Variants in KIAA0825 observed in about 807,000 individuals in gnomAD.
KIAA0825 encodes uncharacterized protein KIAA0825.
A neutral mutation model predicts 147.6 loss-of-function variants in KIAA0825; 119 were observed. That is an observed-to-expected ratio of 0.81 (90% confidence interval 0.69 to 0.94). The LOEUF (loss-of-function observed/expected upper bound fraction) is 0.94, where lower values mean the gene tolerates loss of function less well. Ranked by LOEUF, KIAA0825 falls within the 40% of genes least tolerant of loss-of-function variation. The pLI is 0.00. For synonymous variants in KIAA0825, 470 were observed against 518.1 expected (o/e 0.91, Z 1.26); for missense variants, 1,381 against 1,472.7 (o/e 0.94, Z 1.02).
chr5:94,589,179 CA>C (rs909798194), intron 1 of KIAA0825, among the ~76,000 whole-genome samples: 13 of 151,530 alleles, frequency 8.6e-5, no homozygotes. Flanking sequence ...ACAACAACAA[CA>C]AAAAAAACAG....
chr5:94,360,384 A>C (rs914052257), intron 20 of KIAA0825, among the ~76,000 whole-genome samples: 1 of 152,180 alleles, frequency 6.6e-6, no homozygotes, highest in South Asian at 2.1e-4. Flanking sequence ...TGCATCTTGA[A>C]TAGGGTCTGA....
chr5:94,219,511 T>C (rs1773503157), intron 20 of KIAA0825, among the ~76,000 whole-genome samples: 1 of 152,146 alleles, frequency 6.6e-6, no homozygotes, highest in South Asian at 2.1e-4. Flanking sequence ...AGTTACGTAC[T>C]GCTTAACAAT....
At chr5:94,537,154 CAT>C (rs1270646720) in intron 2 of KIAA0825, 27 bp from the exon 3 acceptor site, 2 of 1,577,442 alleles carry the variant, frequency 1.3e-6, no homozygotes, top group African/African-American at 2.7e-5. Flanking sequence ...AATAATAAAA[CAT>C]GTCAGTTCCC....
intron 20 of KIAA0825, among the ~76,000 whole-genome samples, chr5:94,226,609 A>T (rs1774189675): frequency 6.6e-6 from 1 of 152,160 alleles, no homozygotes; most frequent in Non-Finnish European, 1.5e-5. Flanking sequence ...AAGACTTGGA[A>T]CCAACCCAAA....
chr5:94,404,361 A>C (rs77369569), intron 15 of KIAA0825, among the ~76,000 whole-genome samples: 3,578 of 152,234 alleles, frequency 0.024, 118 homozygotes, highest in African/African-American at 0.081. Flanking sequence ...CACATATATA[A>C]AATAATTAAA....
Position 94,462,382 on chromosome 5 carries a change from C to T in KIAA0825, c.2246+5G>A, listed in dbSNP as rs561796334. The T allele has an allele frequency of 1.8e-4, 235 of 1,314,740 alleles. 3 individuals carry two copies. The South Asian group carries it at 3.2e-3, about 18-fold the overall frequency. 81.4% of individuals were successfully genotyped at this position (1,314,740 alleles called of 1,614,324 possible). On this transcript the variant is annotated splice_donor_5th_base_variant and intron_variant, in intron 12 of 20. Coordinates refer to ENST00000682413, the MANE Select transcript of KIAA0825 (RefSeq NM_001145678.3). The stretch of plus-strand genomic sequence containing the variant: ...AGCTAAAAGGAAAATACATTTGATA[C>T]TTACTTATATAATTCTGTTAATGGT...
chr5:94,445,806 T>C (rs1757652392), intron 13 of KIAA0825, among the ~76,000 whole-genome samples: 1 of 152,220 alleles, frequency 6.6e-6, no homozygotes, highest in African/African-American at 2.4e-5. Context: ...CCATAGACAC[T>C]GACTTCCCTC....
chr5:94,299,810 G>A (rs1778305288), intron 20 of KIAA0825, among the ~76,000 whole-genome samples: 1 of 152,046 alleles, frequency 6.6e-6, no homozygotes, highest in Admixed American at 6.6e-5. Context: ...GAGTTCCTTA[G>A]CTAGAGCCAA....
chr5:94,458,723 A>G (rs1470824292), intron 12 of KIAA0825, among the ~76,000 whole-genome samples: 1 of 151,816 alleles, frequency 6.6e-6, no homozygotes, highest in African/African-American at 2.4e-5. Context: ...TTTCTGGAAA[A>G]TTTTGCATTC....
chr5:94,364,800 T>C (rs1470498921), intron 20 of KIAA0825, among the ~76,000 whole-genome samples: 1 of 152,218 alleles, frequency 6.6e-6, no homozygotes, highest in Non-Finnish European at 1.5e-5. Context: ...GTTTTCCTTT[T>C]AATGAAAAGC....
intron 20 of KIAA0825, among the ~76,000 whole-genome samples, chr5:94,290,189 G>A (rs1283089881): frequency 6.6e-6 from 1 of 152,144 alleles, no homozygotes; most frequent in Non-Finnish European, 1.5e-5. Flanking sequence ...GAATGTGCAA[G>A]TTTGTTACAT....
intron 2 of KIAA0825, among the ~76,000 whole-genome samples, chr5:94,556,596 A>G (rs990409768): frequency 6.6e-6 from 1 of 152,218 alleles, no homozygotes; most frequent in African/African-American, 2.4e-5. Flanking sequence ...TGACATTATT[A>G]TTTAGCTTAA....
chr5:94,604,368 G>A (rs995468514), intron 1 of KIAA0825, among the ~76,000 whole-genome samples: 1 of 152,150 alleles, frequency 6.6e-6, no homozygotes, highest in South Asian at 2.1e-4. Context: ...AGACCAGCCT[G>A]GCCAACATGG....
At position 94,262,716 on chromosome 5, in the gene KIAA0825, A is replaced by G. The variant is rs562538166; in HGVS notation, c.3711-108592T>C. On this transcript the variant is annotated intron_variant, in intron 20 of 20. Coordinates refer to ENST00000682413, the MANE Select transcript of KIAA0825 (RefSeq NM_001145678.3). ...ATATGCCTTATTTGTGTAAAAACGT[A>G]TATGTTTGTGTATCTATGTCCCCTT... Among the ~76,000 whole-genome samples the G allele has an allele frequency of 8.5e-5, 13 of 152,156 alleles. No individual in the cohort carries two copies. In the East Asian group the frequency reaches 1.9e-3, roughly 23 times the overall value.
At chr5:94,368,297 G>A (rs946092875) in intron 20 of KIAA0825, among the ~76,000 whole-genome samples, 9 of 152,192 alleles carry the variant, frequency 5.9e-5, no homozygotes, top group African/African-American at 1.2e-4. Context: ...CTCAGCCCCC[G>A]GAGTAGCTGG....
At position 94,532,195 on chromosome 5, in the gene KIAA0825, G is replaced by A. The variant is rs147598802; in HGVS notation, c.131+4801C>T. Among the ~76,000 whole-genome samples the A allele has an allele frequency of 9.9e-5, 15 of 151,862 alleles. No homozygotes were observed. The East Asian group carries it at 1.4e-3, about 14-fold the overall frequency. On this transcript the variant is annotated intron_variant, in intron 3 of 20. Coordinates refer to ENST00000682413, the MANE Select transcript of KIAA0825 (RefSeq NM_001145678.3). ...CAGGGTCTCACATTGTTGCCCAGGCGGTAGCGCAGTGGTGCAACGAGAGCT... is the reference window on the plus strand; with the variant it reads ...CAGGGTCTCACATTGTTGCCCAGGCAGTAGCGCAGTGGTGCAACGAGAGCT...
At chr5:94,595,378 C>G (rs1033413611) in intron 1 of KIAA0825, among the ~76,000 whole-genome samples, 73 of 152,190 alleles carry the variant, frequency 4.8e-4, no homozygotes, top group Non-Finnish European at 1.5e-4. Context: ...GGAATTGCAC[C>G]CTCTGAAGCA....
Position 94,469,956 on chromosome 5 carries a change from C to A in KIAA0825, c.1872+5G>T. On this transcript the variant is annotated splice_donor_5th_base_variant and intron_variant, in intron 10 of 20. Transcript: ENST00000682413. ...AAAGGAGGGATAGTAAACTTAACTT[C>A]ACACCTCATAAAAAGCTTTGTAGTC... 6.5e-7 allele frequency: 1 copy of A among 1,543,152 alleles called. No homozygotes were observed. Among genetic ancestry groups the A allele is most frequent in the Non-Finnish European group, 8.8e-7 (1 of 1,142,320 alleles).
At chr5:94,293,428 A>C (rs1028833570) in intron 20 of KIAA0825, among the ~76,000 whole-genome samples, 1 of 152,132 alleles carries the variant, frequency 6.6e-6, no homozygotes, top group Non-Finnish European at 1.5e-5. Context: ...GTTTTGAGTG[A>C]GTTTCTTAAT....
Sources: gnomAD v4.1 joint callset for allele counts (sites outside exome capture counted in the v4.1 genomes callset) on GRCh38, gnomAD v4.1.1 for gene constraint, MANE v1.5 for transcripts, NCBI Gene and HGNC (gene_info 2026-07-23, HGNC 2026-07-21) for gene names.